Variants in ARHGAP6 observed in about 807,000 individuals in gnomAD.
The protein encoded by ARHGAP6 is rho GTPase-activating protein 6.
Under a neutral mutation model 55.7 loss-of-function variants are expected in ARHGAP6, and 16 were observed. The ratio of observed to expected loss-of-function variants is 0.29; its 90% CI spans 0.19 to 0.44. The LOEUF is 0.44. ARHGAP6 is among the 20% of genes least tolerant of loss of function. The pLI is 1.00. For synonymous variants in ARHGAP6, 382 were observed against 360.9 expected (o/e 1.06, Z -0.66); for missense variants, 698 against 808.9 (o/e 0.86, Z 1.66).
At chrX:11,515,741 T>C (rs971062599) in intron 1 of ARHGAP6, among the ~76,000 whole-genome samples, 1 of 112,669 alleles carries the variant, frequency 8.9e-6, no homozygotes, top group Non-Finnish European at 1.9e-5. Flanking sequence ...AAATTAGTAA[T>C]GAAAGAAATG....
At chrX:11,351,298 A>G (rs1296790838) in intron 1 of ARHGAP6, 1 of 888,232 alleles carries the variant, frequency 1.1e-6, no homozygotes, top group Non-Finnish European at 1.4e-6. Context: ...ATTCTAATAT[A>G]TTTGTGCCTG....
chrX:11,361,816 C>T (rs866580386), intron 1 of ARHGAP6, among the ~76,000 whole-genome samples: 13 of 108,589 alleles, frequency 1.2e-4, no homozygotes, highest in African/African-American at 3.2e-4. Context: ...AAGAAAAAAA[C>T]GACCAACCCC....
chrX:11,410,608 C>T (rs776320945), intron 1 of ARHGAP6, among the ~76,000 whole-genome samples: 1 of 112,435 alleles, frequency 8.9e-6, no homozygotes, highest in Non-Finnish European at 1.9e-5. Flanking sequence ...GAACTGTACA[C>T]TTTAAATGGG....
chrX:11,627,608 G>C (rs939835477), intron 1 of ARHGAP6, among the ~76,000 whole-genome samples: 1 of 111,194 alleles, frequency 9.0e-6, no homozygotes, highest in East Asian at 2.8e-4. Context: ...GCTTCTCCCA[G>C]TAATTAGGTC....
At chrX:11,215,393 T>C (rs2046866947) in intron 2 of ARHGAP6, among the ~76,000 whole-genome samples, 1 of 112,801 alleles carries the variant, frequency 8.9e-6, no homozygotes, top group African/African-American at 3.2e-5. Context: ...GGAGTTCAGG[T>C]GTGCGCGGCA....
At chrX:11,151,168 A>T (rs2045770519) in intron 10 of ARHGAP6, among the ~76,000 whole-genome samples, 1 of 111,650 alleles carries the variant, frequency 9.0e-6, no homozygotes, top group Admixed American at 9.5e-5. Context: ...GGGTAGGGGA[A>T]CTATTTTAAG....
intron 1 of ARHGAP6, among the ~76,000 whole-genome samples, chrX:11,501,203 C>A (rs1168400384): frequency 8.9e-6 from 1 of 111,932 alleles, no homozygotes; most frequent in Non-Finnish European, 1.9e-5. Context: ...GTAATCCCAG[C>A]ACTTTGGGAA....
At chrX:11,449,870 A>G (rs910791914) in intron 1 of ARHGAP6, among the ~76,000 whole-genome samples, 1 of 112,078 alleles carries the variant, frequency 8.9e-6, no homozygotes, top group African/African-American at 3.2e-5. Flanking sequence ...CATGTCAGAA[A>G]CATCTTGGCT....
intron 2 of ARHGAP6, among the ~76,000 whole-genome samples, chrX:11,201,966 G>C (rs1161331813): frequency 2.0e-5 from 2 of 100,520 alleles, no homozygotes; most frequent in Non-Finnish European, 4.0e-5. Flanking sequence ...CTGTACCACT[G>C]TGTGCAAACT....
chrX:11,195,666 G>A (rs1001071014), intron 3 of ARHGAP6, among the ~76,000 whole-genome samples: 3 of 110,330 alleles, frequency 2.7e-5, no homozygotes, highest in Non-Finnish European at 5.7e-5. Flanking sequence ...CTTGAGGGTG[G>A]AGGGTGGGAG....
chrX:11,292,128 T>C (rs2048004784), intron 1 of ARHGAP6, among the ~76,000 whole-genome samples: 1 of 112,250 alleles, frequency 8.9e-6, no homozygotes, highest in South Asian at 3.7e-4. Flanking sequence ...CTAAGTAATT[T>C]GTATATATAC....
chrX:11,557,982 T>C (rs933908137), intron 1 of ARHGAP6, among the ~76,000 whole-genome samples: 2 of 111,731 alleles, frequency 1.8e-5, no homozygotes, highest in Non-Finnish European at 3.8e-5. Context: ...CCTACCACAA[T>C]GCATGCTCAA....
intron 1 of ARHGAP6, among the ~76,000 whole-genome samples, chrX:11,268,602 T>C (rs2047655388): frequency 9.0e-6 from 1 of 111,552 alleles, no homozygotes; most frequent in African/African-American, 3.3e-5. Context: ...GTCATATGAC[T>C]GGAGTCTAGC....
chrX:11,616,999 C>G (rs1313088526), intron 1 of ARHGAP6, among the ~76,000 whole-genome samples: 1 of 111,730 alleles, frequency 9.0e-6, no homozygotes, highest in Non-Finnish European at 1.9e-5. Context: ...GGGTGTGGAG[C>G]TATAAAAACC....
chrX:11,191,725 G>T (rs1242177742), intron 3 of ARHGAP6, among the ~76,000 whole-genome samples: 1 of 111,322 alleles, frequency 9.0e-6, no homozygotes, highest in Non-Finnish European at 1.9e-5. Context: ...TTCTAAAGCA[G>T]CTCCCTCTAA....
intron 2 of ARHGAP6, among the ~76,000 whole-genome samples, chrX:11,243,883 A>G (rs1315382427): frequency 8.9e-6 from 1 of 112,220 alleles, no homozygotes; most frequent in Non-Finnish European, 1.9e-5. Context: ...ATAGCCTAGG[A>G]GCAGTAGGCT....
At chrX:11,643,123 T>C (rs967698805) in intron 1 of ARHGAP6, among the ~76,000 whole-genome samples, 5 of 111,491 alleles carry the variant, frequency 4.5e-5, no homozygotes, top group Non-Finnish European at 9.4e-5. Context: ...AAGTTCATAC[T>C]ATAGAGTCCT....
At chrX:11,318,295 T>C in intron 1 of ARHGAP6, among the ~76,000 whole-genome samples, 1 of 112,382 alleles carries the variant, frequency 8.9e-6, no homozygotes, top group Non-Finnish European at 1.9e-5. Context: ...TTTATTTTAC[T>C]GTTTTATATA....
intron 1 of ARHGAP6, among the ~76,000 whole-genome samples, chrX:11,476,738 G>A (rs2050407071): frequency 9.0e-6 from 1 of 111,118 alleles, no homozygotes; most frequent in Admixed American, 9.6e-5. Context: ...GGAAAGGAGA[G>A]AGTTTCAAAA....
Sources: gnomAD v4.1 joint callset for allele counts (sites outside exome capture counted in the v4.1 genomes callset) on GRCh38, gnomAD v4.1.1 for gene constraint, MANE v1.5 for transcripts, NCBI Gene and HGNC (gene_info 2026-07-23, HGNC 2026-07-21) for gene names.